The following NECTIN1 variants were observed in gnomAD, a reference collection of about 807,000 sequenced individuals.
The protein encoded by NECTIN1 is nectin-1.
NECTIN1 carries 23 observed loss-of-function variants against 48.0 expected under a neutral mutation model. The observed-to-expected ratio is 0.48, with a 90% CI of 0.34 to 0.68. The LOEUF is 0.68. NECTIN1 is among the 30% of genes least tolerant of loss of function. NECTIN1 has a pLI of 0.01. For missense variants in NECTIN1, 591 were observed against 709.9 expected (o/e 0.83, Z 1.90); for synonymous variants, 270 against 288.9 (o/e 0.93, Z 0.66).
At position 119,664,742 on chromosome 11, in the gene NECTIN1, G is replaced by T. The variant is rs142987437; in HGVS notation, c.*5C>A. The stretch of plus-strand genomic sequence containing the variant: ...CGGTCACAGACAGAGGCTCTGGAAG[G>T]GGGGCTACACGTACCACTCCTTCTT... On this transcript the variant is annotated 3_prime_UTR_variant, in exon 6 of 6. Transcript: ENST00000264025. 3.1e-6 allele frequency: 5 copies of T among 1,606,310 alleles called. No individual in the cohort carries two copies. The East Asian group carries it at 6.7e-5, about 22-fold the overall frequency.
At chr11:119,645,731 C>G (rs186751342) in intron 5 of NECTIN1, among the ~76,000 whole-genome samples, 83 of 152,298 alleles carry the variant, frequency 5.4e-4, no homozygotes, top group African/African-American at 1.9e-3. Context: ...GCTGCCGCAC[C>G]GTCACACGTG....
chr11:119,697,783 T>G (rs1865367820), intron 1 of NECTIN1, among the ~76,000 whole-genome samples: 1 of 152,230 alleles, frequency 6.6e-6, no homozygotes, highest in Admixed American at 6.5e-5. Context: ...GTTTTCTGTC[T>G]CCTCAACTGG....
chr11:119,705,956 G>A (rs1865541534), intron 1 of NECTIN1, among the ~76,000 whole-genome samples: 1 of 151,850 alleles, frequency 6.6e-6, no homozygotes. Context: ...TGAGAGGGAG[G>A]CGGGGAGGGG....
At chr11:119,725,901 CT>C (rs1459792826) in intron 1 of NECTIN1, among the ~76,000 whole-genome samples, 1 of 152,166 alleles carries the variant, frequency 6.6e-6, no homozygotes, top group Non-Finnish European at 1.5e-5. Context: ...AGGGCTCCCC[CT>C]ATCTCTTTTT....
rs1445973972 is a variant in NECTIN1 at position 119,639,861 on chromosome 11, T to C, written c.1151+4A>G. On this transcript the variant is annotated splice_donor_region_variant and intron_variant, in intron 6 of 7. Transcript: ENST00000341398. ...TTTAGTGGGCAGAGTCCTGCCTGGC[T>C]CACCCGGCCCCATCCGTCTCCGGTG... The C allele has an allele frequency of 2.5e-6, 4 of 1,613,888 alleles. No individual in the cohort carries two copies. In the Admixed American group the frequency reaches 5.0e-5, roughly 20 times the overall value.
At chr11:119,698,642 G>A (rs1385127843) in intron 1 of NECTIN1, among the ~76,000 whole-genome samples, 1 of 152,186 alleles carries the variant, frequency 6.6e-6, no homozygotes, top group African/African-American at 2.4e-5. Context: ...TCATTGGCAA[G>A]TTGCCTTACC....
rs746876913 is a variant in NECTIN1, at chr11:119,655,376, C to T, written c.1004-15364G>A. ...AATAAAAAACATTCTACACCAGAGG[C>T]GTCCATTTGTGGTAGTTGGTGAACA... On this transcript the variant is annotated intron_variant, in intron 5 of 7. Coordinates refer to the NECTIN1 transcript ENST00000341398. Among the ~76,000 whole-genome samples, 5 of 152,168 alleles carry T rather than the reference C, an allele frequency of 3.3e-5. No homozygotes were observed. The East Asian group carries it at 7.7e-4, about 23-fold the overall frequency.
At position 119,673,792 on chromosome 11, in the gene NECTIN1, G is replaced by C. The variant is rs75583101; in HGVS notation, c.1003+1367C>G. Among the ~76,000 whole-genome samples the C allele has an allele frequency of 3.7e-3, 568 of 152,238 alleles. 6 individuals carry two copies. The East Asian group carries it at 0.049, about 13-fold the overall frequency. ...GTAACCATGAGGCTCATTTTGAGCT[G>C]TACTTGGACCTTCCCCGCTGGGGAG... On this transcript the variant is annotated intron_variant, in intron 5 of 5. Transcript: ENST00000264025. This position sits in a 1 kb window ranked among gnomAD's most constrained non-coding sequence, Gnocchi z 5.8.
chr11:119,653,808 A>G (rs1258029611), intron 5 of NECTIN1, among the ~76,000 whole-genome samples: 1 of 152,220 alleles, frequency 6.6e-6, no homozygotes, highest in Non-Finnish European at 1.5e-5. Context: ...TAATCCTTAC[A>G]GCCGTCGGTG....
chr11:119,720,888 A>C (rs1490798188), intron 1 of NECTIN1, among the ~76,000 whole-genome samples: 1 of 152,172 alleles, frequency 6.6e-6, no homozygotes. Flanking sequence ...TGGGACTAGG[A>C]AGCCCCTGCC....
intron 1 of NECTIN1, among the ~76,000 whole-genome samples, chr11:119,700,515 G>C (rs1165886267): frequency 1.3e-5 from 2 of 152,196 alleles, no homozygotes; most frequent in Non-Finnish European, 1.5e-5. Flanking sequence ...GGCTTGGCCA[G>C]TCTGGGGGTC....
chr11:119,714,910 A>T (rs1324521644), intron 1 of NECTIN1, among the ~76,000 whole-genome samples: 2 of 152,006 alleles, frequency 1.3e-5, no homozygotes, highest in African/African-American at 2.4e-5. Context: ...GTTACTGGGG[A>T]TCTGAGGGGA....
Position 119,709,205 on chromosome 11 carries a change from A to G in NECTIN1, c.79+19270T>C, listed in dbSNP as rs1004181757. On this transcript the variant is annotated intron_variant, in intron 1 of 5. Transcript: ENST00000264025. The surrounding 1 kb of genome is among the most constrained non-coding windows in gnomAD (Gnocchi z 4.1). ...AGAACAGGCACGAAGAGGCTTTGCC[A>G]TAGATGGGGAAATTAGGGCAGAAAA... Among the ~76,000 whole-genome samples, 4 of 152,150 alleles carry G rather than the reference A, an allele frequency of 2.6e-5. No homozygotes were observed. Among genetic ancestry groups the G allele is most frequent in the Non-Finnish European group, 5.9e-5 (4 of 68,016 alleles).
chr11:119,688,235 T>C (rs1048107145), intron 1 of NECTIN1, among the ~76,000 whole-genome samples: 1 of 152,174 alleles, frequency 6.6e-6, no homozygotes, highest in Admixed American at 6.5e-5. Flanking sequence ...TCAGTTTTGC[T>C]CTTGGCGTAG....
Position 119,728,590 on chromosome 11 carries a change from C to A in NECTIN1, c.-37G>T. Reference sequence around the variant, plus strand: ...GGTCCGGCGAGAGGGGCGGCGAGGGCAGCGCTCCTCGCGCAGCAGAAACCA... The same window carrying A: ...GGTCCGGCGAGAGGGGCGGCGAGGGAAGCGCTCCTCGCGCAGCAGAAACCA... On this transcript the variant is annotated 5_prime_UTR_variant, in exon 1 of 6. Transcript: ENST00000264025. The A allele has an allele frequency of 6.9e-7, 1 of 1,440,290 alleles. No homozygotes were observed. Among genetic ancestry groups the A allele is most frequent in the Non-Finnish European group, 9.5e-7 (1 of 1,058,154 alleles). The allele number at this position is 1,440,290 out of a possible 1,614,324, so 89.2% of individuals were successfully genotyped here.
At chr11:119,681,574 G>A (rs1865061202) in intron 1 of NECTIN1, among the ~76,000 whole-genome samples, 1 of 152,198 alleles carries the variant, frequency 6.6e-6, no homozygotes, top group Non-Finnish European at 1.5e-5. Context: ...AGGGGAGACG[G>A]CTGATAGCGG....
chr11:119,647,160 C>CGTGTGTGT (rs1565375700), intron 5 of NECTIN1, among the ~76,000 whole-genome samples: 13 of 71,356 alleles, frequency 1.8e-4, no homozygotes, highest in Non-Finnish European at 2.7e-4. Flanking sequence ...GCTTGCGGCG[C>CGTGTGTGT]ATGTGTGTGT....
intron 1 of NECTIN1, among the ~76,000 whole-genome samples, chr11:119,703,222 G>A (rs575673001): frequency 9.8e-5 from 15 of 152,350 alleles, no homozygotes; most frequent in African/African-American, 3.1e-4. Flanking sequence ...TGGGACCCAC[G>A]TGGGTTTGAG....
At chr11:119,655,875 C>A (rs925260) in intron 5 of NECTIN1, among the ~76,000 whole-genome samples, 94 of 152,242 alleles carry the variant, frequency 6.2e-4, no homozygotes, top group Non-Finnish European at 1.1e-3. Flanking sequence ...TTGGGCTTCA[C>A]CACCTGAAAG....
Sources: allele counts gnomAD v4.1 joint callset (sites outside exome capture counted in the v4.1 genomes callset), GRCh38; gene constraint gnomAD v4.1.1; non-coding constraint Gnocchi (gnomAD v3.1); transcripts MANE v1.5; gene names NCBI Gene and HGNC (gene_info 2026-07-23, HGNC 2026-07-21).